Variants in PTPRQ observed in about 807,000 individuals in gnomAD.
PTPRQ encodes protein tyrosine phosphatase receptor type Q, also known as phosphatidylinositol phosphatase PTPRQ.
PTPRQ carries 199 observed loss-of-function variants against 246.0 expected under a neutral mutation model. That is an observed-to-expected ratio of 0.81 (90% confidence interval 0.72 to 0.91). The LOEUF (loss-of-function observed/expected upper bound fraction) is 0.91. PTPRQ is among the 40% of genes least tolerant of loss of function. PTPRQ has a pLI of 0.00. For synonymous variants in PTPRQ, 869 were observed against 853.2 expected (o/e 1.02, Z -0.32); for missense variants, 2,624 against 2,528.4 (o/e 1.04, Z -0.81).
chr12:80,522,463 A>G (rs1022291544), intron 17 of PTPRQ, among the ~76,000 whole-genome samples: 4 of 152,044 alleles, frequency 2.6e-5, no homozygotes, highest in Admixed American at 6.6e-5. Context: ...GAATGCTTCC[A>G]GTTTTTGCCC....
At position 80,549,552 on chromosome 12, in the gene PTPRQ, G is replaced by A. The variant is rs1896406803; in HGVS notation, c.4103G>A (p.Gly1368Glu). ...VKWDPPKKAN[G>E]IITQYMVTVE... ...TGGGATCCACCCAAAAAGGCAAATG[G>A]AATAATAACGCAGTATATGGTAACA... The change falls in exon 25 of 45, where the codon GGA becomes GAA. Residue 1368 changes from glycine (G) to glutamate (E), a missense_variant. Gly to Glu is a moderately conservative substitution (Grantham distance 98). Coordinates refer to ENST00000644991, the MANE Select transcript of PTPRQ (RefSeq NM_001145026.2). The A allele has an allele frequency of 1.9e-6, 3 of 1,551,100 alleles. No homozygotes were observed. Among genetic ancestry groups the A allele is most frequent in the Non-Finnish European group, 2.6e-6 (3 of 1,146,572 alleles).
At chr12:80,615,571 A>G (rs1295313551) in intron 29 of PTPRQ, among the ~76,000 whole-genome samples, 1 of 151,114 alleles carries the variant, frequency 6.6e-6, no homozygotes, top group African/African-American at 2.4e-5. Flanking sequence ...ACAAACAGAA[A>G]TGTTTTATGT....
intron 9 of PTPRQ, among the ~76,000 whole-genome samples, chr12:80,487,283 G>A (rs544633668): frequency 6.6e-6 from 1 of 152,102 alleles, no homozygotes; most frequent in Non-Finnish European, 1.5e-5. Context: ...GAGGGAAGAT[G>A]TGACATTGGA....
Position 80,546,664 on chromosome 12 carries a change from A to G in PTPRQ, c.3982A>G (p.Ser1328Gly). Residue 1328 changes from serine to glycine, a missense_variant, in exon 24 of 45, where the codon AGT becomes GGT. By Grantham distance (56) the Ser-to-Gly change is moderately conservative. Transcript: ENST00000644991. ...CAAAGTTGGAAATGGCAATCAATTT[A>G]GTAATGTAGTAAAATTCACAACCCA... Reference protein sequence around the residue: ...FTKVGNGNQFSNVVKFTTQES... With the variant: ...FTKVGNGNQFGNVVKFTTQES... 1 of 1,551,466 alleles carries G rather than the reference A, an allele frequency of 6.4e-7. No individual in the cohort carries two copies. Among genetic ancestry groups the G allele is most frequent in the Non-Finnish European group, 8.7e-7 (1 of 1,146,860 alleles).
chr12:80,564,901 T>G (rs1169804111), intron 25 of PTPRQ, among the ~76,000 whole-genome samples: 1 of 152,200 alleles, frequency 6.6e-6, no homozygotes, highest in East Asian at 1.9e-4. Context: ...GAAATTTACT[T>G]TCATTATAAA....
intron 27 of PTPRQ, among the ~76,000 whole-genome samples, chr12:80,608,368 G>C (rs1208053731): frequency 4.7e-5 from 7 of 150,460 alleles, no homozygotes; most frequent in Non-Finnish European, 9.0e-5. Context: ...AACAACAAAG[G>C]TGTAGTAGGT....
intron 3 of PTPRQ, among the ~76,000 whole-genome samples, chr12:80,446,701 T>C (rs1213032894): frequency 6.6e-6 from 1 of 151,932 alleles, no homozygotes; most frequent in African/African-American, 2.4e-5. Flanking sequence ...TATTTTTGAA[T>C]TATTTCACTT....
At chr12:80,596,104 A>G (rs977062647) in intron 26 of PTPRQ, among the ~76,000 whole-genome samples, 4 of 152,046 alleles carry the variant, frequency 2.6e-5, no homozygotes, top group African/African-American at 9.7e-5. Flanking sequence ...ACAGAGTTAT[A>G]ATAGATTGAT....
chr12:80,595,701 G>A (rs1481746564), intron 26 of PTPRQ, among the ~76,000 whole-genome samples: 4 of 150,378 alleles, frequency 2.7e-5, no homozygotes, highest in Non-Finnish European at 4.4e-5. Context: ...ATCTCCTAAA[G>A]CTATCCCTCC....
At chr12:80,480,083 C>G (rs893089661) in intron 8 of PTPRQ, among the ~76,000 whole-genome samples, 1 of 133,608 alleles carries the variant, frequency 7.5e-6, no homozygotes, top group African/African-American at 3.7e-5. Context: ...TTTTTCAGCA[C>G]CACACCACAC....
chr12:80,634,357 G>A (rs1381013542), intron 34 of PTPRQ, among the ~76,000 whole-genome samples: 3 of 152,126 alleles, frequency 2.0e-5, no homozygotes, highest in Non-Finnish European at 4.4e-5. Flanking sequence ...AAGATGAAAA[G>A]AATCTGATTT....
chr12:80,460,432 T>A (rs1043581067), intron 5 of PTPRQ, among the ~76,000 whole-genome samples: 1 of 152,184 alleles, frequency 6.6e-6, no homozygotes, highest in African/African-American at 2.4e-5. Flanking sequence ...TGAAATTCTA[T>A]TCGTAAAGGT....
Position 80,493,448 on chromosome 12 carries a change from A to C in PTPRQ, c.1533A>C (p.Ser511=). 6.5e-7 allele frequency: 1 copy of C among 1,547,964 alleles called. No homozygotes were observed. The highest frequency in any genetic ancestry group is 8.7e-7 in the Non-Finnish European group (1 of 1,144,990). The change falls in exon 10 of 45, where the codon TCA becomes TCC. Residue 511 remains serine, a synonymous_variant. Coordinates refer to ENST00000644991, the MANE Select transcript of PTPRQ (RefSeq NM_001145026.2). ...GGAATAGAGCTGAAGACCAGACTTC[A>C]CCAGTTGGTAGGTAGAATTTTGATT... The part of the protein sequence containing the change: ...PARNRAEDQT[S]PVVTTRNQYI...
intron 33 of PTPRQ, among the ~76,000 whole-genome samples, chr12:80,624,794 C>G (rs1899134454): frequency 1.3e-5 from 2 of 152,146 alleles, no homozygotes; most frequent in Non-Finnish European, 2.9e-5. Context: ...CGCTGTAGAT[C>G]AGGGGTGTCC....
intron 14 of PTPRQ, among the ~76,000 whole-genome samples, chr12:80,498,135 T>G (rs1894685510): frequency 6.6e-6 from 1 of 152,094 alleles, no homozygotes; most frequent in Admixed American, 6.6e-5. Context: ...TATATTGGCA[T>G]GTTTCATTGC....
chr12:80,449,683 T>G (rs555589848), intron 3 of PTPRQ, among the ~76,000 whole-genome samples: 1 of 152,184 alleles, frequency 6.6e-6, no homozygotes, highest in African/African-American at 2.4e-5. Flanking sequence ...ATCAGATAGT[T>G]GTAGATATGC....
At chr12:80,603,570 G>C (rs1898212389) in intron 26 of PTPRQ, among the ~76,000 whole-genome samples, 1 of 151,456 alleles carries the variant, frequency 6.6e-6, no homozygotes, top group South Asian at 2.1e-4. Context: ...TTGGAAATCT[G>C]GTGAAGTTTA....
chr12:80,610,071 G>A (rs1898491377), intron 27 of PTPRQ, among the ~76,000 whole-genome samples: 1 of 150,450 alleles, frequency 6.6e-6, no homozygotes, highest in Non-Finnish European at 1.5e-5. Flanking sequence ...GGAGCTATAA[G>A]TGGCCAATTT....
intron 9 of PTPRQ, among the ~76,000 whole-genome samples, chr12:80,488,224 G>C (rs980890683): frequency 2.0e-5 from 3 of 151,720 alleles, no homozygotes; most frequent in Non-Finnish European, 2.9e-5. Context: ...CTATTGGTTA[G>C]ATACAAATCA....
Sources: gnomAD v4.1 joint callset for allele counts (sites outside exome capture counted in the v4.1 genomes callset) on GRCh38, gnomAD v4.1.1 for gene constraint, MANE v1.5 for transcripts, NCBI Gene and HGNC (gene_info 2026-07-23, HGNC 2026-07-21) for gene names.